The following CNNM2 variants were observed in gnomAD, a reference collection of about 807,000 sequenced individuals.
The protein encoded by CNNM2 is cyclin and CBS domain divalent metal cation transport mediator 2.
Under a neutral mutation model 66.9 loss-of-function variants are expected in CNNM2, and 12 were observed. The ratio of observed to expected loss-of-function variants is 0.18; its 90% confidence interval spans 0.11 to 0.29. The LOEUF (loss-of-function observed/expected upper bound fraction) is 0.29. Ranked by LOEUF, CNNM2 falls within the 10% of genes least tolerant of loss-of-function variation. The pLI, the probability that CNNM2 is intolerant of heterozygous loss-of-function variation, is 1.00. For synonymous variants in CNNM2, 557 were observed against 501.8 expected (o/e 1.11, Z -1.47); for missense variants, 705 against 1,167.7 (o/e 0.60, Z 5.77).
chr10:103,033,757 T>C (rs796129286), intron 1 of CNNM2, among the ~76,000 whole-genome samples: 8 of 152,216 alleles, frequency 5.3e-5, no homozygotes, highest in African/African-American at 1.7e-4. Context: ...AGTGCTGGGA[T>C]TACAGGCGTG....
chr10:103,089,976 C>A lies in CNNM2; in HGVS notation c.*12796C>A. 2 of 1,305,572 alleles carry A rather than the reference C, an allele frequency of 1.5e-6. No homozygotes were observed. Among genetic ancestry groups the A allele is most frequent in the East Asian group, 2.4e-5 (1 of 42,088 alleles). The allele number at this position is 1,305,572 out of a possible 1,614,324, so 80.9% of individuals were successfully genotyped here. A position where few individuals can be genotyped will look rare whatever the true frequency, so the allele number is the denominator to read the frequency against. ...AAGTAGCTACTCCCCAAATCCTAAC[C>A]CCTCTCCTCTGTTAGGTGGCCATGC... On this transcript the variant is annotated 3_prime_UTR_variant, in exon 8 of 8. Transcript: ENST00000369878.
Position 103,078,627 on chromosome 10 carries a change from G to C in CNNM2, c.*1447G>C, listed in dbSNP as rs2065726363. 1 of 152,268 alleles carries C rather than the reference G, an allele frequency of 6.6e-6. No individual in the cohort carries two copies. Among genetic ancestry groups the C allele is most frequent in the Non-Finnish European group, 1.5e-5 (1 of 68,054 alleles). The allele number at this position is 152,268 out of a possible 1,614,324, so 9.4% of individuals were successfully genotyped here. A position where few individuals can be genotyped will look rare whatever the true frequency, so the allele number is the denominator to read the frequency against. ...TGTTTTGTTAGCCCGAGGGATATGT[G>C]CAGGTTGTTGGCGCTATTCATGCAC... On this transcript the variant is annotated 3_prime_UTR_variant, in exon 8 of 8. Coordinates refer to ENST00000369878, the MANE Select transcript of CNNM2 (RefSeq NM_017649.5).
At chr10:103,002,260 A>G in intron 1 of CNNM2, among the ~76,000 whole-genome samples, 1 of 152,298 alleles carries the variant, frequency 6.6e-6, no homozygotes, top group Middle Eastern at 3.4e-3. Flanking sequence ...TTTATTCTGG[A>G]TACAACTTAA....
At position 102,980,811 on chromosome 10, in the gene CNNM2, C is replaced by A. The variant is rs11191489; in HGVS notation, c.1621+60710C>A. Reference sequence around the variant, plus strand: ...CTACATAAAGATTGTTCATATGATACAATCAACATATTGCGATCACATGCT... The same window carrying A: ...CTACATAAAGATTGTTCATATGATAAAATCAACATATTGCGATCACATGCT... On this transcript the variant is annotated intron_variant, in intron 1 of 7. Transcript: ENST00000369878. Among the ~76,000 whole-genome samples, 47,451 of 152,058 alleles carry A rather than the reference C, an allele frequency of 0.31. 7,525 individuals are homozygous for A. The highest frequency in any genetic ancestry group is 0.37 in the Middle Eastern group (109 of 294).
In CNNM2 at chr10:103,085,684, CAT is replaced by C. The variant is rs1274343623; in HGVS notation, c.*8506_*8507del. ...TGTGTTTTAAATTTAAATTGGAAAA[CAT>C]AGATTCCTCATCCTTAAACAGAGTC... On this transcript the variant is annotated 3_prime_UTR_variant, in exon 8 of 8. Transcript: ENST00000369878. 1 of 152,208 alleles carries C rather than the reference CAT, an allele frequency of 6.6e-6. No individual in the cohort carries two copies. Among genetic ancestry groups the C allele is most frequent in the South Asian group, 2.1e-4 (1 of 4,836 alleles). 9.4% of individuals were successfully genotyped at this position (152,208 alleles called of 1,614,324 possible).
At chr10:103,066,819 C>T (rs752518284) in intron 4 of CNNM2, among the ~76,000 whole-genome samples, 19 of 152,166 alleles carry the variant, frequency 1.2e-4, no homozygotes, top group African/African-American at 3.6e-4. Context: ...TGGGGGATGA[C>T]GGCTGTCATC....
intron 2 of CNNM2, among the ~76,000 whole-genome samples, chr10:103,051,875 T>C (rs890170690): frequency 3.9e-5 from 6 of 152,204 alleles, no homozygotes; most frequent in Admixed American, 3.9e-4. Context: ...AAACACCCTT[T>C]CCCACATCTG....
At chr10:103,002,479 CT>C (rs34131768) in intron 1 of CNNM2, among the ~76,000 whole-genome samples, 193 of 136,212 alleles carry the variant, frequency 1.4e-3, no homozygotes, top group Middle Eastern at 3.8e-3. Flanking sequence ...AGACTGGAAT[CT>C]TTTTTTTTTT....
At position 102,918,340 on chromosome 10, in the gene CNNM2, G is replaced by A. The variant is rs1169009464; in HGVS notation, c.-141G>A. 4 of 1,387,226 alleles carry A rather than the reference G, an allele frequency of 2.9e-6. No individual in the cohort carries two copies. The highest frequency in any genetic ancestry group is 3.8e-6 in the Non-Finnish European group (4 of 1,052,356). 85.9% of individuals were successfully genotyped at this position (1,387,226 alleles called of 1,614,324 possible). A position where few individuals can be genotyped will look rare whatever the true frequency, so the allele number is the denominator to read the frequency against. ...GAGCCTCGGGGTTCCTCAGCTGGCT[G>A]AGGTGGAGTCAGTGTCAGTCAGGGA... On this transcript the variant is annotated 5_prime_UTR_variant, in exon 1 of 8. Coordinates refer to ENST00000369878, the MANE Select transcript of CNNM2 (RefSeq NM_017649.5). The surrounding 1 kb of genome is among the most constrained non-coding windows in gnomAD (Gnocchi z 4.1).
intron 1 of CNNM2, among the ~76,000 whole-genome samples, chr10:102,933,096 A>G (rs1846120322): frequency 6.6e-6 from 1 of 152,034 alleles, no homozygotes; most frequent in Admixed American, 6.6e-5. Context: ...CCTTGTCAAG[A>G]TTGTTTTGGC....
chr10:102,967,075 T>C (rs1443332361), intron 1 of CNNM2, among the ~76,000 whole-genome samples: 1 of 152,162 alleles, frequency 6.6e-6, no homozygotes, highest in Non-Finnish European at 1.5e-5. Context: ...GCCTCCCCAG[T>C]ATCTGGGATT....
At chr10:103,070,948 G>A (rs1446214483) in intron 5 of CNNM2, among the ~76,000 whole-genome samples, 1 of 152,086 alleles carries the variant, frequency 6.6e-6, no homozygotes, top group Non-Finnish European at 1.5e-5. Flanking sequence ...AAAGCGGGGG[G>A]GGAATTTCAT....
At chr10:103,022,705 A>G (rs1308590303) in intron 1 of CNNM2, among the ~76,000 whole-genome samples, 1 of 152,164 alleles carries the variant, frequency 6.6e-6, no homozygotes, top group Non-Finnish European at 1.5e-5. Flanking sequence ...GCTGTAAAGG[A>G]GTACCTGAGA....
chr10:102,931,626 G>A (rs1431215084), intron 1 of CNNM2, among the ~76,000 whole-genome samples: 3 of 152,126 alleles, frequency 2.0e-5, no homozygotes, highest in Non-Finnish European at 2.9e-5. Context: ...CAAAGTGCTG[G>A]GATTCCAGGC....
chr10:103,059,453 C>G (rs559671659), intron 4 of CNNM2, among the ~76,000 whole-genome samples: 1 of 152,062 alleles, frequency 6.6e-6, no homozygotes, highest in Non-Finnish European at 1.5e-5. Context: ...AAGATAAATT[C>G]CAAATTATTC....
At position 103,042,314 on chromosome 10, in the gene CNNM2, T is replaced by C. The variant is rs7089680; in HGVS notation, c.1622-7393T>C. On this transcript the variant is annotated intron_variant, in intron 1 of 7. Transcript: ENST00000369878. ...CTGGCTTGGCTTACTGGTAACTTCC[T>C]GATTGGGTTTCCCCGCCTCAGCCCT... 0.31 allele frequency among the ~76,000 whole-genome samples: 46,852 copies of C among 152,056 alleles called. 7,348 individuals are homozygous for C. Among genetic ancestry groups the C allele is most frequent in the Middle Eastern group, 0.36 (107 of 294 alleles).
chr10:103,002,479 C>T (rs1320662317), intron 1 of CNNM2, among the ~76,000 whole-genome samples: 8 of 136,280 alleles, frequency 5.9e-5, no homozygotes, highest in South Asian at 2.3e-4. Context: ...AGACTGGAAT[C>T]TTTTTTTTTT....
At position 103,011,811 on chromosome 10, in the gene CNNM2, A is replaced by G. The variant is rs144627358; in HGVS notation, c.1622-37896A>G. The stretch of plus-strand genomic sequence containing the variant: ...TCGTTCAAGCGATTCTTCTGCCTCA[A>G]CCTCCCAAATAGCTGGGACTACAGG... On this transcript the variant is annotated intron_variant, in intron 1 of 7. Transcript: ENST00000369878. Among the ~76,000 whole-genome samples the G allele has an allele frequency of 4.2e-3, 635 of 151,512 alleles. 20 individuals carry two copies. The East Asian group carries it at 0.073, about 17-fold the overall frequency.
rs571117533 is a variant in CNNM2 at position 102,929,385 on chromosome 10, A to G, written c.1621+9284A>G. ...TTGAATCTAGGAGTTTGAGGCTGCA[A>G]TGAGCTGTGATTGTACTACTGCATT... On this transcript the variant is annotated intron_variant, in intron 1 of 7. Transcript: ENST00000369878. Among the ~76,000 whole-genome samples the G allele has an allele frequency of 1.6e-4, 24 of 152,118 alleles. No individual in the cohort carries two copies. In the South Asian group the frequency reaches 3.9e-3, roughly 25 times the overall value.
Sources: allele counts gnomAD v4.1 joint callset (sites outside exome capture counted in the v4.1 genomes callset), GRCh38; gene constraint gnomAD v4.1.1; non-coding constraint Gnocchi (gnomAD v3.1); transcripts MANE v1.5; gene names NCBI Gene and HGNC (gene_info 2026-07-23, HGNC 2026-07-21).